Variants in HEXB observed in about 807,000 individuals in gnomAD.
HEXB encodes the protein beta-hexosaminidase subunit beta.
HEXB carries 51 observed loss-of-function variants against 71.2 expected under a neutral mutation model. That is an observed-to-expected ratio of 0.72 (90% CI 0.57 to 0.90). The LOEUF (loss-of-function observed/expected upper bound fraction) is 0.90. Ranked by LOEUF, HEXB falls within the 40% of genes least tolerant of loss-of-function variation. The pLI is 0.00. For synonymous variants in HEXB, 266 were observed against 249.3 expected, an observed-to-expected ratio of 1.07 and a Z score of -0.63; for missense variants, 617 against 677.0, an observed-to-expected ratio of 0.91 and a Z score of 0.98.
chr5:74,687,733 A>G (rs920716183), intron 1 of HEXB, among the ~76,000 whole-genome samples: 1 of 152,006 alleles, frequency 6.6e-6, no homozygotes, highest in African/African-American at 2.4e-5. Context: ...TTACCATCTT[A>G]ACCTTTTGTA....
At chr5:74,673,335 T>C (rs1439780152) in intron 1 of HEXB, among the ~76,000 whole-genome samples, 1 of 152,168 alleles carries the variant, frequency 6.6e-6, no homozygotes, top group African/African-American at 2.4e-5. Flanking sequence ...TCACAAATAT[T>C]TCGGGTTGCT....
chr5:74,676,875 G>T (rs1219623165), intron 1 of HEXB, among the ~76,000 whole-genome samples: 2 of 152,062 alleles, frequency 1.3e-5, no homozygotes, highest in African/African-American at 4.8e-5. Flanking sequence ...TTGTTCTCTG[G>T]TTTTTTGTTT....
At chr5:74,718,481 A>G in intron 10 of HEXB, 118 bp downstream of exon 10, 1 of 833,462 alleles carries the variant, frequency 1.2e-6, no homozygotes, top group Non-Finnish European at 2.1e-6. Context: ...GTTAGTGACC[A>G]CTTTGGACCT....
chr5:74,678,729 G>A (rs1451615497), intron 1 of HEXB, among the ~76,000 whole-genome samples: 1 of 151,914 alleles, frequency 6.6e-6, no homozygotes, highest in Non-Finnish European at 1.5e-5. Flanking sequence ...AAAGTTAAAA[G>A]CTACCGTAAA....
intron 3 of HEXB, among the ~76,000 whole-genome samples, chr5:74,694,099 C>T (rs1749060211): frequency 6.6e-6 from 1 of 152,162 alleles, no homozygotes; most frequent in African/African-American, 2.4e-5. Context: ...GTTGAGGCTG[C>T]AGCGAGCCTA....
Position 74,720,489 on chromosome 5 carries a change from G to C in HEXB, c.1479G>C (p.Val493=). The change falls in exon 12 of 14, where the codon GTG becomes GTC. Residue 493 remains valine (V), a synonymous_variant. Transcript: ENST00000261416. ...GGEACLWGEY[V]DATNLTPRLW... ...AAGCTTGTCTATGGGGAGAATATGT[G>C]GATGCAACTAACCTCACTCCAAGAT... 1 of 1,613,502 alleles carries C rather than the reference G, an allele frequency of 6.2e-7. No individual in the cohort carries two copies.
At chr5:74,676,126 T>G (rs943298737) in intron 1 of HEXB, among the ~76,000 whole-genome samples, 3 of 152,220 alleles carry the variant, frequency 2.0e-5, no homozygotes, top group South Asian at 2.1e-4. Context: ...GCAGTTTTTG[T>G]TTTTTGTTTT....
intron 9 of HEXB, among the ~76,000 whole-genome samples, chr5:74,717,644 T>C (rs1462493221): frequency 1.4e-4 from 21 of 150,924 alleles, no homozygotes; most frequent in Non-Finnish European, 3.1e-4. Context: ...TTTTTTAACT[T>C]AAAAAAAACC....
At chr5:74,645,955 A>T (rs935245375) in intron 1 of HEXB, among the ~76,000 whole-genome samples, 1 of 150,930 alleles carries the variant, frequency 6.6e-6, no homozygotes, top group Non-Finnish European at 1.5e-5. Context: ...TCTGCATACT[A>T]TTTTTTTTTA....
chr5:74,712,446 A>G (rs1468402103), intron 6 of HEXB, among the ~76,000 whole-genome samples: 1 of 151,508 alleles, frequency 6.6e-6, no homozygotes, highest in East Asian at 1.9e-4. Context: ...TAAAAAAAAG[A>G]AATGCTTTAA....
chr5:74,705,544 T>C (rs1352856829), intron 6 of HEXB: 2 of 522,810 alleles, frequency 3.8e-6, no homozygotes, highest in African/African-American at 1.9e-5. Flanking sequence ...TAAACAATCT[T>C]GGGGAAGTGT....
intron 1 of HEXB, among the ~76,000 whole-genome samples, chr5:74,676,783 G>A (rs996545959): frequency 1.3e-5 from 2 of 152,100 alleles, no homozygotes; most frequent in Admixed American, 6.6e-5. Flanking sequence ...GGAGCGGTGC[G>A]GGAAGGTGGA....
intron 2 of HEXB, among the ~76,000 whole-genome samples, chr5:74,691,272 A>G (rs1239487254): frequency 6.6e-6 from 1 of 152,228 alleles, no homozygotes; most frequent in East Asian, 1.9e-4. Flanking sequence ...GAGGTGACAC[A>G]TGTTAAAGCA....
intron 1 of HEXB, among the ~76,000 whole-genome samples, chr5:74,676,698 G>A (rs113593905): frequency 0.015 from 2,311 of 152,140 alleles, 52 homozygotes; most frequent in African/African-American, 0.052. Flanking sequence ...CCTGGGAGGC[G>A]GAGGTTGCAG....
chr5:74,643,891 G>T (rs945847268), intron 1 of HEXB, among the ~76,000 whole-genome samples: 2 of 152,146 alleles, frequency 1.3e-5, no homozygotes, highest in African/African-American at 4.8e-5. Flanking sequence ...TTCCAAAAGC[G>T]CCCTCTTTGT....
At position 74,715,506 on chromosome 5, in the gene HEXB, C is replaced by G. The variant is rs754426475; in HGVS notation, c.902-4C>G. ...TTAAAAAGAATCTTAATATTTTCTTCTAGGTCAGAAAGACCTCCTGACTCC... is the reference window on the plus strand; with the variant it reads ...TTAAAAAGAATCTTAATATTTTCTTGTAGGTCAGAAAGACCTCCTGACTCC... On this transcript the variant is annotated splice_polypyrimidine_tract_variant and splice_region_variant and intron_variant, in intron 7 of 13. Coordinates refer to ENST00000261416, the MANE Select transcript of HEXB (RefSeq NM_000521.4). 2 of 1,594,476 alleles carry G rather than the reference C, an allele frequency of 1.3e-6. No homozygotes were observed. The highest frequency in any genetic ancestry group is 1.7e-6 in the Non-Finnish European group (2 of 1,162,274).
intron 1 of HEXB, among the ~76,000 whole-genome samples, chr5:74,648,576 C>T (rs1326975876): frequency 1.3e-5 from 2 of 152,070 alleles, no homozygotes; most frequent in African/African-American, 2.4e-5. Flanking sequence ...GGAAACATCC[C>T]GGGGTTTTCC....
chr5:74,712,762 A>G (rs1749579298), intron 6 of HEXB, among the ~76,000 whole-genome samples: 1 of 152,166 alleles, frequency 6.6e-6, no homozygotes, highest in Admixed American at 6.6e-5. Flanking sequence ...CTTGATAGAA[A>G]TTTGATTTGC....
intron 1 of HEXB, 146 bp from the exon 2 acceptor site, chr5:74,689,182 A>G (rs934218655): frequency 2.9e-6 from 2 of 697,204 alleles, no homozygotes; most frequent in African/African-American, 3.5e-5. Flanking sequence ...AGTGATTCTA[A>G]TGTACAGCTT....
Sources: allele counts gnomAD v4.1 joint callset (sites outside exome capture counted in the v4.1 genomes callset), GRCh38; gene constraint gnomAD v4.1.1; transcripts MANE v1.5; gene names NCBI Gene and HGNC (gene_info 2026-07-23, HGNC 2026-07-21).